Variants in PLPPR1 observed in about 807,000 individuals in gnomAD.
PLPPR1 encodes phospholipid phosphatase-related protein type 1.
A neutral mutation model predicts 33.1 loss-of-function variants in PLPPR1; 10 were observed. The observed-to-expected ratio is 0.30, with a 90% CI of 0.19 to 0.51. The LOEUF (loss-of-function observed/expected upper bound fraction) is 0.51. PLPPR1 is among the 20% of genes least tolerant of loss of function. The pLI is 0.97. For missense variants in PLPPR1, 304 were observed against 408.1 expected, an observed-to-expected ratio of 0.74 and a Z score of 2.20; for synonymous variants, 151 against 151.0, an observed-to-expected ratio of 1.00 and a Z score of 0.00.
At chr9:101,121,304 G>A (rs957390615) in intron 1 of PLPPR1, among the ~76,000 whole-genome samples, 1 of 152,112 alleles carries the variant, frequency 6.6e-6, no homozygotes, top group Non-Finnish European at 1.5e-5. Flanking sequence ...TTTAATGCTT[G>A]CAACAACCCT....
chr9:101,059,033 G>C (rs1830311411), intron 1 of PLPPR1, among the ~76,000 whole-genome samples: 1 of 152,100 alleles, frequency 6.6e-6, no homozygotes, highest in Non-Finnish European at 1.5e-5. Flanking sequence ...CTAAAATTCT[G>C]ATTTTGTGAT....
chr9:101,205,687 TTCAA>T (rs1430626752), intron 2 of PLPPR1, among the ~76,000 whole-genome samples: 2 of 152,188 alleles, frequency 1.3e-5, no homozygotes, highest in Non-Finnish European at 2.9e-5. Context: ...CTTAAAACTG[TTCAA>T]TCAGATTTTA....
At chr9:101,050,722 T>G (rs1564130608) in intron 1 of PLPPR1, among the ~76,000 whole-genome samples, 1 of 152,214 alleles carries the variant, frequency 6.6e-6, no homozygotes, top group Non-Finnish European at 1.5e-5. Flanking sequence ...ACAAAACATT[T>G]ATAATAGTCA....
At chr9:101,029,539 C>T (rs890029741) in intron 1 of PLPPR1, among the ~76,000 whole-genome samples, 1 of 152,182 alleles carries the variant, frequency 6.6e-6, no homozygotes, top group Non-Finnish European at 1.5e-5. Flanking sequence ...AGATTTCTCA[C>T]CCCAAGCTGT....
In PLPPR1 at chr9:101,036,701, CAAAA is replaced by C. The variant is rs5899427; in HGVS notation, c.-46+7616_-46+7619del. Among the ~76,000 whole-genome samples, 845 of 103,692 alleles carry C rather than the reference CAAAA, an allele frequency of 8.1e-3. 2 individuals carry two copies. Among genetic ancestry groups the C allele is most frequent in the African/African-American group, 0.027 (768 of 28,178 alleles). 68.0% of individuals were successfully genotyped at this position (103,692 alleles called of 152,430 possible). A position where few individuals can be genotyped will look rare whatever the true frequency, so the allele number is the denominator to read the frequency against. On this transcript the variant is annotated intron_variant, in intron 1 of 7. Coordinates refer to ENST00000374874, the MANE Select transcript of PLPPR1 (RefSeq NM_207299.2). ...AATGACAAAGCTTGGCTATTTCTGC[CAAAA>C]AAAAAAAAAAAAAAAAGAAGAGGAA...
At chr9:101,258,398 A>G (rs1827838616) in intron 2 of PLPPR1, among the ~76,000 whole-genome samples, 1 of 152,140 alleles carries the variant, frequency 6.6e-6, no homozygotes, top group African/African-American at 2.4e-5. Flanking sequence ...CTTCATCTTT[A>G]TATTTCTCTC....
intron 7 of PLPPR1, among the ~76,000 whole-genome samples, chr9:101,323,444 C>T (rs1455040823): frequency 6.9e-6 from 1 of 145,304 alleles, no homozygotes; most frequent in Non-Finnish European, 1.5e-5. Flanking sequence ...GTACTCCAGC[C>T]TGGGTGACAG....
chr9:101,211,251 G>A (rs147785499), intron 2 of PLPPR1, among the ~76,000 whole-genome samples: 1 of 152,102 alleles, frequency 6.6e-6, no homozygotes, highest in Admixed American at 6.5e-5. Context: ...ACTATCAACC[G>A]GGCCTTGGTG....
At chr9:101,297,680 G>T (rs930213134) in intron 4 of PLPPR1, among the ~76,000 whole-genome samples, 1 of 152,142 alleles carries the variant, frequency 6.6e-6, no homozygotes. Context: ...TATATAATGT[G>T]CAAAGGGAGG....
intron 4 of PLPPR1, among the ~76,000 whole-genome samples, chr9:101,297,675 A>C (rs932441104): frequency 6.6e-6 from 1 of 152,340 alleles, no homozygotes. Flanking sequence ...ATATTTATAT[A>C]ATGTGCAAAG....
intron 1 of PLPPR1, among the ~76,000 whole-genome samples, chr9:101,147,077 G>C (rs1029983454): frequency 6.6e-6 from 1 of 152,140 alleles, no homozygotes; most frequent in East Asian, 1.9e-4. Context: ...TGCAGGCTGA[G>C]AGTAACTTCC....
intron 1 of PLPPR1, among the ~76,000 whole-genome samples, chr9:101,097,610 A>C (rs1830836461): frequency 6.6e-6 from 1 of 152,212 alleles, no homozygotes; most frequent in African/African-American, 2.4e-5. Context: ...ACCTGAAAGT[A>C]TTCATTGTCT....
intron 2 of PLPPR1, among the ~76,000 whole-genome samples, chr9:101,261,612 A>C (rs1345299314): frequency 6.6e-6 from 1 of 152,206 alleles, no homozygotes; most frequent in Non-Finnish European, 1.5e-5. Flanking sequence ...CTCAACAATG[A>C]TAGACTGGAT....
At chr9:101,086,315 A>G (rs1830675330) in intron 1 of PLPPR1, among the ~76,000 whole-genome samples, 1 of 152,198 alleles carries the variant, frequency 6.6e-6, no homozygotes, top group Non-Finnish European at 1.5e-5. Flanking sequence ...AGGCAGGGGA[A>G]GAAGGTAAAC....
Position 101,319,653 on chromosome 9 carries a change from G to A in PLPPR1, c.945+2157G>A, listed in dbSNP as rs74583554. Among the ~76,000 whole-genome samples, 19 of 152,264 alleles carry A rather than the reference G, an allele frequency of 1.2e-4. No homozygotes were observed. In the East Asian group the frequency reaches 3.3e-3, roughly 26 times the overall value. On this transcript the variant is annotated intron_variant, in intron 7 of 7. Coordinates refer to ENST00000374874, the MANE Select transcript of PLPPR1 (RefSeq NM_207299.2). Reference sequence around the variant, plus strand: ...TTTCTGGTTTATTTATATACAGCCTGTTGCTACAGGTTAAATATCAAATTA... The same window carrying A: ...TTTCTGGTTTATTTATATACAGCCTATTGCTACAGGTTAAATATCAAATTA...
At chr9:101,157,907 G>C (rs1024044895) in intron 1 of PLPPR1, among the ~76,000 whole-genome samples, 1 of 152,072 alleles carries the variant, frequency 6.6e-6, no homozygotes, top group Non-Finnish European at 1.5e-5. Context: ...GGGAGGCTGA[G>C]GCACAAGAAT....
chr9:101,294,924 C>T (rs192702354), intron 4 of PLPPR1, among the ~76,000 whole-genome samples: 25 of 152,212 alleles, frequency 1.6e-4, no homozygotes, highest in African/African-American at 4.8e-4. Flanking sequence ...TACTCCTATT[C>T]GACATAGTGT....
intron 1 of PLPPR1, among the ~76,000 whole-genome samples, chr9:101,033,019 C>T (rs1403675985): frequency 3.3e-5 from 5 of 152,122 alleles, no homozygotes; most frequent in African/African-American, 1.2e-4. Flanking sequence ...TAAAAATAAT[C>T]TGCACCAGAG....
At chr9:101,270,846 C>T (rs570632805) in intron 3 of PLPPR1, among the ~76,000 whole-genome samples, 123 of 152,212 alleles carry the variant, frequency 8.1e-4, no homozygotes, top group Non-Finnish European at 1.1e-3. Context: ...AGGATGTGAT[C>T]TTAGTTCCCA....
Sources: gnomAD v4.1 joint callset for allele counts (sites outside exome capture counted in the v4.1 genomes callset) on GRCh38, gnomAD v4.1.1 for gene constraint, MANE v1.5 for transcripts, NCBI Gene and HGNC (gene_info 2026-07-23, HGNC 2026-07-21) for gene names.